The following WAC variants were observed in gnomAD, a reference collection of about 807,000 sequenced individuals.
WAC encodes the protein WW domain-containing adapter protein with coiled-coil.
Under a neutral mutation model 79.6 loss-of-function variants are expected in WAC, and 11 were observed. The observed-to-expected ratio is 0.14, with a 90% CI of 0.09 to 0.23. The LOEUF (loss-of-function observed/expected upper bound fraction) is 0.23. Ranked by LOEUF, WAC falls within the 10% of genes least tolerant of loss-of-function variation. WAC has a pLI of 1.00. For missense variants in WAC, 728 were observed against 773.5 expected, an observed-to-expected ratio of 0.94 and a Z score of 0.70; for synonymous variants, 304 against 276.9, an observed-to-expected ratio of 1.10 and a Z score of -0.97.
chr10:28,595,433 G>T (rs332158), intron 6 of WAC, among the ~76,000 whole-genome samples: 7 of 150,898 alleles, frequency 4.6e-5, no homozygotes, highest in African/African-American at 4.9e-5. Flanking sequence ...TTTTTTTTTT[G>T]TGTTTTGTTT....
At chr10:28,544,900 C>G (rs1277877125) in intron 3 of WAC, among the ~76,000 whole-genome samples, 1 of 151,986 alleles carries the variant, frequency 6.6e-6, no homozygotes, top group Non-Finnish European at 1.5e-5. Context: ...CCTGTCTCTA[C>G]TAAAAATACA....
rs557655440 is a variant in WAC, at chr10:28,578,284, A to G, written c.275-5115A>G. 3.5e-4 allele frequency among the ~76,000 whole-genome samples: 53 copies of G among 152,262 alleles called. No individual in the cohort carries two copies. The East Asian group carries it at 6.8e-3, about 19-fold the overall frequency. On this transcript the variant is annotated intron_variant, in intron 3 of 13. Transcript: ENST00000354911. Reference sequence around the variant, plus strand: ...CCACTACTGAGCTTTATTCAGTCCTATTTTTGCTTTTGTCTGAAAGCAATA... The same window carrying G: ...CCACTACTGAGCTTTATTCAGTCCTGTTTTTGCTTTTGTCTGAAAGCAATA...
intron 7 of WAC, among the ~76,000 whole-genome samples, chr10:28,607,079 G>A (rs1399563300): frequency 6.6e-6 from 1 of 152,064 alleles, no homozygotes; most frequent in Non-Finnish European, 1.5e-5. Flanking sequence ...TTGAAATAAT[G>A]TCTTCTGTAC....
rs1034326605 is a variant in WAC at position 28,622,311 on chromosome 10, G to C, written c.*2705G>C. The C allele has an allele frequency of 6.7e-6, 1 of 149,674 alleles. No homozygotes were observed. Among genetic ancestry groups the C allele is most frequent in the Non-Finnish European group, 1.5e-5 (1 of 67,770 alleles). The allele number at this position is 149,674 out of a possible 1,614,324, so 9.3% of individuals were successfully genotyped here. On this transcript the variant is annotated 3_prime_UTR_variant, in exon 14 of 14. Coordinates refer to ENST00000354911, the MANE Select transcript of WAC (RefSeq NM_016628.5). ...AAAATAAGCATAATGTTCTGGACTAGAGTATTCCTTATCTAGTTGGTTATG... is the reference window on the plus strand; with the variant it reads ...AAAATAAGCATAATGTTCTGGACTACAGTATTCCTTATCTAGTTGGTTATG...
intron 3 of WAC, among the ~76,000 whole-genome samples, chr10:28,539,351 C>G (rs184467431): frequency 6.6e-6 from 1 of 151,946 alleles, no homozygotes. Flanking sequence ...TGTAACATAG[C>G]GTGTATAGTT....
chr10:28,618,354 TCA>T (rs1261677224), intron 13 of WAC, among the ~76,000 whole-genome samples: 1 of 101,404 alleles, frequency 9.9e-6, no homozygotes, highest in African/African-American at 4.5e-5. Context: ...TCTGTGCAAG[TCA>T]CAGAGTTACA....
chr10:28,587,553 T>C (rs1048424055), intron 4 of WAC, among the ~76,000 whole-genome samples: 1 of 152,276 alleles, frequency 6.6e-6, no homozygotes, highest in Non-Finnish European at 1.5e-5. Context: ...AGGCCAAATC[T>C]AGAAAACTTT....
chr10:28,577,118 G>C (rs1422476796), intron 3 of WAC, among the ~76,000 whole-genome samples: 1 of 152,008 alleles, frequency 6.6e-6, no homozygotes, highest in South Asian at 2.1e-4. Context: ...TTTCCCTCCC[G>C]CAAGAGACAA....
Position 28,533,466 on chromosome 10 carries a change from C to G in WAC, c.-114C>G, listed in dbSNP as rs1007861364. On this transcript the variant is annotated 5_prime_UTR_variant, in exon 1 of 14. Transcript: ENST00000354911. Reference sequence around the variant, plus strand: ...CTGATGAGAGTCGCCGAGGGCGCGCCGGGCCCAGGTGCCGGGGCTGCCCGC... The same window carrying G: ...CTGATGAGAGTCGCCGAGGGCGCGCGGGGCCCAGGTGCCGGGGCTGCCCGC... 1 of 486,998 alleles carries G rather than the reference C, an allele frequency of 2.1e-6. No homozygotes were observed. Among genetic ancestry groups the G allele is most frequent in the Non-Finnish European group, 2.7e-6 (1 of 371,514 alleles). The allele number at this position is 486,998 out of a possible 1,614,324, so 30.2% of individuals were successfully genotyped here. A position where few individuals can be genotyped will look rare whatever the true frequency, so the allele number is the denominator to read the frequency against.
At chr10:28,571,547 T>C (rs1057205646) in intron 3 of WAC, among the ~76,000 whole-genome samples, 2 of 152,238 alleles carry the variant, frequency 1.3e-5, no homozygotes, top group Admixed American at 1.3e-4. Context: ...GGTTGTTGTC[T>C]ACTGTACCAA....
intron 3 of WAC, among the ~76,000 whole-genome samples, chr10:28,559,136 ATGTGTGTGTGTGTG>A (rs111740298): frequency 1.4e-5 from 2 of 146,644 alleles, no homozygotes; most frequent in African/African-American, 5.2e-5. Flanking sequence ...GAGAAACCTG[ATGTGTGTGTGTGTG>A]TGTGTGTGTG....
intron 3 of WAC, among the ~76,000 whole-genome samples, chr10:28,571,189 C>G (rs963526927): frequency 9.9e-5 from 15 of 152,020 alleles, no homozygotes; most frequent in Non-Finnish European, 1.8e-4. Context: ...CTTGGCCTCC[C>G]AGAGTGCTGG....
intron 3 of WAC, among the ~76,000 whole-genome samples, chr10:28,580,484 A>G (rs1411162300): frequency 6.6e-6 from 1 of 152,200 alleles, no homozygotes; most frequent in African/African-American, 2.4e-5. Context: ...CATTTCATAG[A>G]TTTAAGCATA....
intron 4 of WAC, among the ~76,000 whole-genome samples, chr10:28,585,777 G>T (rs1344245448): frequency 3.4e-5 from 5 of 148,562 alleles, no homozygotes; most frequent in African/African-American, 1.2e-4. Context: ...TGTGGGCATT[G>T]TTTTTTTTTT....
chr10:28,575,621 G>A (rs377689981), intron 3 of WAC, among the ~76,000 whole-genome samples: 6 of 152,180 alleles, frequency 3.9e-5, no homozygotes, highest in Admixed American at 1.3e-4. Context: ...TTGGCAATTT[G>A]TATGTCATCT....
chr10:28,603,943 ATATATATATGTATGTATGT>A (rs1301359506), intron 7 of WAC, among the ~76,000 whole-genome samples: 2,192 of 38,828 alleles, frequency 0.056, 225 homozygotes, highest in Middle Eastern at 0.11. Context: ...CAAAAAAAAA[ATATATATATGTATGTATGT>A]ATATATATAT....
At chr10:28,597,113 TG>T (rs1474720045) in intron 7 of WAC, among the ~76,000 whole-genome samples, 4 of 152,278 alleles carry the variant, frequency 2.6e-5, no homozygotes, top group African/African-American at 9.6e-5. Flanking sequence ...GAATTTTCCT[TG>T]TTATTCAACC....
At chr10:28,540,945 GA>G in intron 3 of WAC, among the ~76,000 whole-genome samples, 1 of 151,970 alleles carries the variant, frequency 6.6e-6, no homozygotes, top group Non-Finnish European at 1.5e-5. Flanking sequence ...TGTTAAATTT[GA>G]ACACTAGTAC....
intron 7 of WAC, among the ~76,000 whole-genome samples, chr10:28,600,569 A>C (rs959083607): frequency 1.2e-4 from 18 of 152,172 alleles, no homozygotes; most frequent in Admixed American, 6.5e-5. Context: ...GTAGGAATTT[A>C]GTCTTAGTCA....
Sources: gnomAD v4.1 joint callset for allele counts (sites outside exome capture counted in the v4.1 genomes callset) on GRCh38, gnomAD v4.1.1 for gene constraint, MANE v1.5 for transcripts, NCBI Gene and HGNC (gene_info 2026-07-23, HGNC 2026-07-21) for gene names.